LEPR: variants seen among roughly 807,000 people sequenced by gnomAD.
LEPR encodes OB receptor.
A neutral mutation model predicts 114.7 loss-of-function variants in LEPR; 56 were observed. The observed-to-expected ratio is 0.49, with a 90% CI of 0.39 to 0.61. LEPR has a LOEUF of 0.61. LEPR is among the 20% of genes least tolerant of loss of function. The pLI, the probability that LEPR is intolerant of heterozygous loss-of-function variation, is 0.00. For missense variants in LEPR, 1,202 were observed against 1,352.9 expected (o/e 0.89, Z 1.75); for synonymous variants, 443 against 461.4 (o/e 0.96, Z 0.51).
At chr1:65,585,620 T>C (rs889746265) in intron 5 of LEPR, among the ~76,000 whole-genome samples, 1 of 152,030 alleles carries the variant, frequency 6.6e-6, no homozygotes. Context: ...TTTATTTACA[T>C]GTAGAGGTAT....
chr1:65,558,072 A>G (rs2100749090), intron 2 of LEPR, among the ~76,000 whole-genome samples: 1 of 152,362 alleles, frequency 6.6e-6, no homozygotes, highest in East Asian at 1.9e-4. Context: ...TATAGTCACT[A>G]GTAAGTTTCA....
chr1:65,454,517 T>G (rs996828611), intron 2 of LEPR, among the ~76,000 whole-genome samples: 11 of 152,290 alleles, frequency 7.2e-5, no homozygotes, highest in Non-Finnish European at 1.2e-4. Context: ...GTCTGTAAAG[T>G]ATTTTATTTC....
intron 2 of LEPR, among the ~76,000 whole-genome samples, chr1:65,515,700 C>T (rs1344805848): frequency 6.6e-6 from 1 of 152,002 alleles, no homozygotes; most frequent in Non-Finnish European, 1.5e-5. Flanking sequence ...CATAGAATGC[C>T]CCTTTCATTC....
chr1:65,477,897 C>T (rs1647176616), intron 2 of LEPR, among the ~76,000 whole-genome samples: 1 of 152,200 alleles, frequency 6.6e-6, no homozygotes, highest in Non-Finnish European at 1.5e-5. Context: ...CACAGCTCTT[C>T]ATCCCTTTAG....
At chr1:65,507,393 T>C (rs1570578144) in intron 2 of LEPR, among the ~76,000 whole-genome samples, 1 of 151,446 alleles carries the variant, frequency 6.6e-6, no homozygotes, top group African/African-American at 2.4e-5. Flanking sequence ...TCATTCATAT[T>C]GTCCCAAATG....
At chr1:65,626,204 C>A (rs115582663) in intron 19 of LEPR, 1 of 1,598,616 alleles carries the variant, frequency 6.3e-7, no homozygotes, top group Admixed American at 1.7e-5. Context: ...ACCTCGCTGC[C>A]GCACCTGCTC....
chr1:65,520,955 C>T (rs557680345), intron 2 of LEPR, among the ~76,000 whole-genome samples: 84 of 152,302 alleles, frequency 5.5e-4, no homozygotes, highest in African/African-American at 1.9e-3. Context: ...GCTCTCATTC[C>T]GGTAAACCCA....
intron 2 of LEPR, among the ~76,000 whole-genome samples, chr1:65,476,828 C>T (rs1034553676): frequency 6.6e-6 from 1 of 152,098 alleles, no homozygotes; most frequent in Admixed American, 6.6e-5. Flanking sequence ...TCAGCATGCC[C>T]AGAACTACTA....
rs193190393 is a variant in LEPR at position 65,492,382 on chromosome 1, C to T, written c.-21+67004C>T. On this transcript the variant is annotated intron_variant, in intron 2 of 19. Coordinates refer to ENST00000349533, the MANE Select transcript of LEPR (RefSeq NM_002303.6). ...ATGAATTAAGCTTTTCCTTATTATGCGTGAAGTTATTAATTGAACAAACAC... is the reference window on the plus strand; with the variant it reads ...ATGAATTAAGCTTTTCCTTATTATGTGTGAAGTTATTAATTGAACAAACAC... Among the ~76,000 whole-genome samples the T allele has an allele frequency of 2.3e-3, 345 of 152,066 alleles. 2 individuals are homozygous for T. The highest frequency in any genetic ancestry group is 7.4e-3 in the African/African-American group (308 of 41,498).
chr1:65,520,697 C>T (rs1219358734), intron 2 of LEPR, among the ~76,000 whole-genome samples: 1 of 152,004 alleles, frequency 6.6e-6, no homozygotes, highest in East Asian at 1.9e-4. Context: ...GAGCTGAGAA[C>T]CTCGAACAGA....
At chr1:65,496,344 G>A (rs1004732035) in intron 2 of LEPR, among the ~76,000 whole-genome samples, 3 of 152,134 alleles carry the variant, frequency 2.0e-5, no homozygotes, top group African/African-American at 7.2e-5. Flanking sequence ...AGGCCAAGGC[G>A]GTGGGATGGC....
intron 2 of LEPR, among the ~76,000 whole-genome samples, chr1:65,500,526 A>G (rs1254715926): frequency 1.3e-5 from 2 of 152,188 alleles, no homozygotes; most frequent in Admixed American, 6.6e-5. Context: ...CCTACTCAAC[A>G]TGAAGACAGT....
intron 2 of LEPR, among the ~76,000 whole-genome samples, chr1:65,484,114 T>A (rs1250400641): frequency 6.6e-6 from 1 of 151,966 alleles, no homozygotes; most frequent in Non-Finnish European, 1.5e-5. Context: ...GCCTCGGCCT[T>A]CCAAAGTGCT....
At chr1:65,592,959 C>G (rs367878790) in intron 6 of LEPR, 94 bp downstream of exon 6, 1 of 1,379,082 alleles carries the variant, frequency 7.3e-7, no homozygotes, top group South Asian at 1.2e-5. Flanking sequence ...TAGCTTATCT[C>G]ACTTTGCTTA....
intron 2 of LEPR, 55 bp from the exon 3 acceptor site, chr1:65,565,491 T>C (rs923975649): frequency 2.8e-5 from 44 of 1,553,900 alleles, no homozygotes; most frequent in Non-Finnish European, 3.6e-5. Context: ...AGACAACTTA[T>C]ATATATGTGT....
At position 65,592,699 on chromosome 1, in the gene LEPR, C is replaced by T. The variant is rs778871278; in HGVS notation, c.537C>T (p.Gly179=). The T allele has an allele frequency of 1.9e-6, 3 of 1,613,062 alleles. No homozygotes were observed. Among genetic ancestry groups the T allele is most frequent in the African/African-American group, 1.3e-5 (1 of 74,832 alleles). Residue 179 remains glycine, a synonymous_variant, in exon 6 of 20, where the codon GGC becomes GGT. Coordinates refer to ENST00000349533, the MANE Select transcript of LEPR (RefSeq NM_002303.6). ...LEDSPLVPQK[G]SFQMVHCNCS... ...ATTCACCTCTGGTTCCCCAAAAAGGCAGTTTTCAGATGGTTCACTGCAATT... is the reference window on the plus strand; with the variant it reads ...ATTCACCTCTGGTTCCCCAAAAAGGTAGTTTTCAGATGGTTCACTGCAATT...
chr1:65,464,634 G>A (rs758892200), intron 2 of LEPR, among the ~76,000 whole-genome samples: 2 of 152,156 alleles, frequency 1.3e-5, no homozygotes, highest in African/African-American at 2.4e-5. Flanking sequence ...GGTAGAATTT[G>A]GCTGTGAATC....
At chr1:65,432,563 GT>G in intron 2 of LEPR, 2 of 830,152 alleles carry the variant, frequency 2.4e-6, no homozygotes, top group East Asian at 1.2e-4. Context: ...CTGCTCATTT[GT>G]TTAAAAAAAA....
intron 19 of LEPR, among the ~76,000 whole-genome samples, chr1:65,632,136 A>C (rs767575124): frequency 6.6e-6 from 1 of 152,102 alleles, no homozygotes; most frequent in Non-Finnish European, 1.5e-5. Context: ...CTAGGCCTCC[A>C]AATAAAGCAG....
Sources: gnomAD v4.1 joint callset for allele counts (sites outside exome capture counted in the v4.1 genomes callset) on GRCh38, gnomAD v4.1.1 for gene constraint, MANE v1.5 for transcripts, NCBI Gene and HGNC (gene_info 2026-07-23, HGNC 2026-07-21) for gene names.